Variants in ARID5B observed in about 807,000 individuals in gnomAD.
The protein encoded by ARID5B is AT-rich interaction domain 5B, also known as AT-rich interactive domain-containing protein 5B.
Under a neutral mutation model 97.2 loss-of-function variants are expected in ARID5B, and 13 were observed. The observed-to-expected ratio is 0.13, with a 90% CI of 0.09 to 0.21. The LOEUF is 0.21. Ranked by LOEUF, ARID5B falls within the 10% of genes least tolerant of loss-of-function variation. The pLI is 1.00. For synonymous variants in ARID5B, 556 were observed against 570.3 expected, an observed-to-expected ratio of 0.97 and a Z score of 0.36; for missense variants, 1,210 against 1,465.3, an observed-to-expected ratio of 0.83 and a Z score of 2.84.
chr10:62,020,173 C>T (rs139723733), intron 4 of ARID5B, among the ~76,000 whole-genome samples: 66 of 152,308 alleles, frequency 4.3e-4, no homozygotes, highest in African/African-American at 1.5e-3. Context: ...TGTCACTCCC[C>T]TGGGTTCCAA....
intron 8 of ARID5B, among the ~76,000 whole-genome samples, chr10:62,071,025 C>A (rs1589284407): frequency 1.5e-5 from 2 of 136,702 alleles, no homozygotes; most frequent in African/African-American, 2.7e-5. Context: ...AGGCTTCATT[C>A]AGAACTTTTT....
At chr10:61,949,236 A>G (rs1273095683) in intron 3 of ARID5B, among the ~76,000 whole-genome samples, 1 of 152,194 alleles carries the variant, frequency 6.6e-6, no homozygotes, top group Non-Finnish European at 1.5e-5. Context: ...TTCATATGTG[A>G]TAGTTTAATC....
chr10:61,982,256 G>C (rs79965349), intron 3 of ARID5B, among the ~76,000 whole-genome samples: 4,489 of 152,198 alleles, frequency 0.029, 70 homozygotes, highest in Middle Eastern at 0.048. Context: ...TAAGAGGGCT[G>C]TTATTTCATG....
At chr10:61,985,139 C>T (rs1304903944) in intron 3 of ARID5B, among the ~76,000 whole-genome samples, 8 of 151,806 alleles carry the variant, frequency 5.3e-5, no homozygotes, top group Admixed American at 3.9e-4. Flanking sequence ...CTCTTCCCTG[C>T]GAAGACTTTC....
chr10:62,000,357 T>G lies in ARID5B; in HGVS notation c.733+36T>G, dbSNP rs747086644. On this transcript the variant is annotated intron_variant, in intron 4 of 9. Transcript: ENST00000279873. The surrounding 1 kb of genome is among the most constrained non-coding windows in gnomAD (Gnocchi z 4.4). ...TTTTTTTTTTCCTACCTGATTCTTG[T>G]GCGTGTGTGCCTAGTTGTTTTCAGT... The G allele has an allele frequency of 8.5e-5, 130 of 1,523,580 alleles. No homozygotes were observed. The highest frequency in any genetic ancestry group is 1.1e-4 in the Non-Finnish European group (122 of 1,122,900). 94.4% of individuals were successfully genotyped at this position (1,523,580 alleles called of 1,614,324 possible). A position where few individuals can be genotyped will look rare whatever the true frequency, so the allele number is the denominator to read the frequency against.
intron 2 of ARID5B, among the ~76,000 whole-genome samples, chr10:61,930,873 C>T (rs780785847): frequency 1.6e-4 from 24 of 152,078 alleles, no homozygotes; most frequent in African/African-American, 2.2e-4. Flanking sequence ...CCACCACAAA[C>T]GCTGGTACAT....
intron 4 of ARID5B, among the ~76,000 whole-genome samples, chr10:62,017,409 G>GTCAT (rs1554844861): frequency 6.6e-6 from 1 of 151,546 alleles, no homozygotes; most frequent in Non-Finnish European, 1.5e-5. Context: ...CCAAGATCAC[G>GTCAT]TCATTGCACT....
At chr10:62,038,572 A>C (rs1351783847) in intron 4 of ARID5B, among the ~76,000 whole-genome samples, 1 of 151,486 alleles carries the variant, frequency 6.6e-6, no homozygotes, top group Non-Finnish European at 1.5e-5. Context: ...TATAGCAGCT[A>C]TGGTTGTAAA....
chr10:62,038,228 T>A (rs895162057), intron 4 of ARID5B, among the ~76,000 whole-genome samples: 8 of 152,322 alleles, frequency 5.3e-5, no homozygotes, highest in African/African-American at 1.9e-4. Flanking sequence ...AATACCCAAT[T>A]GGGTAACTGA....
chr10:61,935,009 A>AT (rs1018900424), intron 2 of ARID5B, among the ~76,000 whole-genome samples: 4 of 148,142 alleles, frequency 2.7e-5, no homozygotes, highest in African/African-American at 1.0e-4. Context: ...CAAGACTCTG[A>AT]TTAAAAAAAA....
At chr10:61,905,471 C>G (rs568606365) in intron 2 of ARID5B, among the ~76,000 whole-genome samples, 1 of 148,520 alleles carries the variant, frequency 6.7e-6, no homozygotes, top group African/African-American at 2.5e-5. Context: ...AATATTTTCT[C>G]ATGATTTTTG....
chr10:61,937,115 A>G, intron 2 of ARID5B, among the ~76,000 whole-genome samples: 1 of 152,194 alleles, frequency 6.6e-6, no homozygotes, highest in East Asian at 1.9e-4. Flanking sequence ...ACAAGTTTAA[A>G]TGTCTGGTGC....
chr10:61,950,869 A>G (rs532170409), intron 3 of ARID5B, among the ~76,000 whole-genome samples: 23 of 152,350 alleles, frequency 1.5e-4, no homozygotes, highest in African/African-American at 5.5e-4. Flanking sequence ...TACAGCTGCT[A>G]TCATGATAGC....
At chr10:61,983,595 T>A (rs1330137097) in intron 3 of ARID5B, among the ~76,000 whole-genome samples, 1 of 152,050 alleles carries the variant, frequency 6.6e-6, no homozygotes, top group Non-Finnish European at 1.5e-5. Context: ...TCTGTCCACA[T>A]CCCACCTGAG....
chr10:61,987,206 G>A (rs774941484), intron 3 of ARID5B, among the ~76,000 whole-genome samples: 1 of 152,162 alleles, frequency 6.6e-6, no homozygotes, highest in Non-Finnish European at 1.5e-5. Flanking sequence ...AGCCCATGAG[G>A]GAGCCCAATG....
At chr10:62,067,351 G>A (rs1840007577) in intron 7 of ARID5B, among the ~76,000 whole-genome samples, 2 of 152,230 alleles carry the variant, frequency 1.3e-5, no homozygotes, top group South Asian at 4.1e-4. Context: ...CCAAAGTGCT[G>A]GGGTTATAGG....
At chr10:61,942,034 T>C (rs1007392024) in intron 3 of ARID5B, among the ~76,000 whole-genome samples, 4 of 152,194 alleles carry the variant, frequency 2.6e-5, no homozygotes, top group Non-Finnish European at 5.9e-5. Flanking sequence ...GTGTGTGTTA[T>C]GGAATATACT....
chr10:62,072,535 C>T (rs376474327), intron 8 of ARID5B, among the ~76,000 whole-genome samples: 31 of 152,174 alleles, frequency 2.0e-4, no homozygotes, highest in African/African-American at 7.2e-4. Context: ...GTGGGAACCC[C>T]ATATGCAGAG....
At chr10:61,916,613 C>T (rs751990112) in intron 2 of ARID5B, among the ~76,000 whole-genome samples, 10 of 152,076 alleles carry the variant, frequency 6.6e-5, no homozygotes, top group Non-Finnish European at 1.5e-4. Flanking sequence ...GTCCGGGTTT[C>T]CAAATTCACT....
Sources: allele counts gnomAD v4.1 joint callset (sites outside exome capture counted in the v4.1 genomes callset), GRCh38; gene constraint gnomAD v4.1.1; non-coding constraint Gnocchi (gnomAD v3.1); transcripts MANE v1.5; gene names NCBI Gene and HGNC (gene_info 2026-07-23, HGNC 2026-07-21).